Variants in TENM3 observed in about 807,000 individuals in gnomAD.
TENM3 encodes the protein teneurin transmembrane protein 3, also known as teneurin-3.
Under a neutral mutation model 255.1 loss-of-function variants are expected in TENM3, and 63 were observed. That is an observed-to-expected ratio of 0.25 (90% CI 0.20 to 0.30). The LOEUF (loss-of-function observed/expected upper bound fraction) is 0.30, where lower values mean the gene tolerates loss of function less well. Among genes scored for constraint, TENM3 ranks in the 10% least tolerant of loss-of-function variants. The pLI is 1.00. For missense variants in TENM3, 2,929 were observed against 3,461.1 expected, an observed-to-expected ratio of 0.85 and a Z score of 3.86; for synonymous variants, 1,306 against 1,322.3, an observed-to-expected ratio of 0.99 and a Z score of 0.27.
chr4:181,861,315 TA>T, the TENM3 span, among the ~76,000 whole-genome samples: 1 of 152,332 alleles, frequency 6.6e-6, no homozygotes, highest in African/African-American at 2.4e-5. Context: ...GAAGGTGGAA[TA>T]AATATTTCAT....
the TENM3 span, among the ~76,000 whole-genome samples, chr4:182,015,036 C>T: frequency 3.3e-5 from 5 of 152,228 alleles, no homozygotes; most frequent in African/African-American, 1.2e-4. Context: ...TCTAATAACA[C>T]ATTTACATAT....
At chr4:181,577,465 C>A in the TENM3 span, among the ~76,000 whole-genome samples, 1 of 151,884 alleles carries the variant, frequency 6.6e-6, no homozygotes, top group Non-Finnish European at 1.5e-5. Flanking sequence ...CTGATCAGTT[C>A]TCTCACTGTA....
the TENM3 span, among the ~76,000 whole-genome samples, chr4:181,517,616 A>G: frequency 6.6e-6 from 1 of 152,210 alleles, no homozygotes; most frequent in African/African-American, 2.4e-5. Flanking sequence ...CAACAGTTTT[A>G]CAATTGGTTT....
At chr4:182,433,469 C>T (rs1038815713) in intron 3 of TENM3, among the ~76,000 whole-genome samples, 4 of 151,966 alleles carry the variant, frequency 2.6e-5, no homozygotes, top group Admixed American at 1.3e-4. Flanking sequence ...TTATGAAAGT[C>T]AGAGACAAAG....
chr4:181,476,226 A>G, the TENM3 span, among the ~76,000 whole-genome samples: 1 of 109,962 alleles, frequency 9.1e-6, no homozygotes, highest in African/African-American at 3.7e-5. Context: ...TTTTTTTTTG[A>G]CATTGATAAT....
At chr4:182,784,401 C>T (rs375200986) in intron 24 of TENM3, among the ~76,000 whole-genome samples, 2 of 151,116 alleles carry the variant, frequency 1.3e-5, no homozygotes, top group Non-Finnish European at 2.9e-5. Context: ...TGAGGAGGCA[C>T]TCTGCCAGTT....
chr4:181,564,038 TTC>T, the TENM3 span, among the ~76,000 whole-genome samples: 511 of 108,320 alleles, frequency 4.7e-3, 4 homozygotes, highest in African/African-American at 0.018. Context: ...CTTTTCTTTT[TTC>T]TTTTTTTTTT....
At chr4:182,600,734 T>C (rs1747746890) in intron 3 of TENM3, among the ~76,000 whole-genome samples, 190 bp from the exon 4 acceptor site, 1 of 151,992 alleles carries the variant, frequency 6.6e-6, no homozygotes, top group Non-Finnish European at 1.5e-5. Flanking sequence ...AAGGGTAAAC[T>C]TGCTCTTAGA....
the TENM3 span, among the ~76,000 whole-genome samples, chr4:181,525,798 G>A: frequency 6.6e-6 from 1 of 152,138 alleles, no homozygotes; most frequent in South Asian, 2.1e-4. Flanking sequence ...ACATACTAAT[G>A]AGGGCAGCTG....
At chr4:181,998,689 A>C in the TENM3 span, among the ~76,000 whole-genome samples, 1 of 152,076 alleles carries the variant, frequency 6.6e-6, no homozygotes, top group South Asian at 2.1e-4. Flanking sequence ...AAAAGCTCAA[A>C]CCTCTCCAGC....
chr4:182,009,088 G>T, the TENM3 span, among the ~76,000 whole-genome samples: 1 of 152,132 alleles, frequency 6.6e-6, no homozygotes, highest in Non-Finnish European at 1.5e-5. Context: ...AGGCTGGAGA[G>T]TAGCAAAGAT....
At chr4:182,406,168 G>A (rs1048282033) in intron 3 of TENM3, among the ~76,000 whole-genome samples, 2 of 152,054 alleles carry the variant, frequency 1.3e-5, no homozygotes, top group Non-Finnish European at 2.9e-5. Flanking sequence ...AGCTGCATGT[G>A]GTGGTGGGTG....
the TENM3 span, among the ~76,000 whole-genome samples, chr4:182,127,993 CT>C: frequency 6.6e-6 from 1 of 151,686 alleles, no homozygotes; most frequent in African/African-American, 2.4e-5. Context: ...TGAATATTTG[CT>C]TTAGGTGAAA....
chr4:181,994,554 G>GTT, the TENM3 span, among the ~76,000 whole-genome samples: 9,074 of 128,278 alleles, frequency 0.071, 444 homozygotes, highest in African/African-American at 0.12. Flanking sequence ...TTTTTTGTGG[G>GTT]TTTTTTTTTT....
the TENM3 span, among the ~76,000 whole-genome samples, chr4:181,948,768 A>G: frequency 5.8e-3 from 883 of 152,230 alleles, 5 homozygotes; most frequent in African/African-American, 0.02. Flanking sequence ...TGGTGGCTGA[A>G]AAGTACCCCC....
At chr4:182,286,721 A>G (rs1461548219) in intron 1 of TENM3, among the ~76,000 whole-genome samples, 1 of 150,984 alleles carries the variant, frequency 6.6e-6, no homozygotes, top group East Asian at 1.9e-4. Flanking sequence ...ATACGAAAAA[A>G]CCCCACTCTT....
chr4:181,712,324 G>A, the TENM3 span, among the ~76,000 whole-genome samples: 1,880 of 152,140 alleles, frequency 0.012, 40 homozygotes, highest in African/African-American at 0.043. Context: ...ATGGTTTGGC[G>A]TCATCCCCTT....
intron 1 of TENM3, among the ~76,000 whole-genome samples, chr4:182,290,370 C>T (rs1350167004): frequency 2.6e-5 from 4 of 152,178 alleles, no homozygotes; most frequent in Non-Finnish European, 5.9e-5. Context: ...TTGTATTTTG[C>T]ACGTTCTTGG....
chr4:182,529,422 T>G (rs1035678055), intron 3 of TENM3, among the ~76,000 whole-genome samples: 1 of 152,214 alleles, frequency 6.6e-6, no homozygotes, highest in African/African-American at 2.4e-5. Flanking sequence ...CAGGGTATAA[T>G]AGAGATAATC....
Sources: gnomAD v4.1 joint callset for allele counts (sites outside exome capture counted in the v4.1 genomes callset) on GRCh38, gnomAD v4.1.1 for gene constraint, MANE v1.5 for transcripts, NCBI Gene and HGNC (gene_info 2026-07-23, HGNC 2026-07-21) for gene names.